The following TJP1 variants were observed in gnomAD, a reference collection of about 807,000 sequenced individuals.
The protein encoded by TJP1 is tight junction protein ZO-1.
A neutral mutation model predicts 194.2 loss-of-function variants in TJP1; 43 were observed. The observed-to-expected ratio is 0.22, with a 90% CI of 0.17 to 0.29. TJP1 has a LOEUF of 0.29. Ranked by LOEUF, TJP1 falls within the 10% of genes least tolerant of loss-of-function variation. The pLI is 1.00. For synonymous variants in TJP1, 801 were observed against 779.0 expected (o/e 1.03, Z -0.47); for missense variants, 1,971 against 2,185.7 (o/e 0.90, Z 1.96).
chr15:29,824,459 T>TCATCAC (rs2050618007), upstream of TJP1, among the ~76,000 whole-genome samples: 1 of 149,472 alleles, frequency 6.7e-6, no homozygotes, highest in South Asian at 2.1e-4. Context: ...ATCATCATCA[T>TCATCAC]CATCATCATC....
chr15:29,750,050 AG>A (rs1242973700), intron 8 of TJP1, among the ~76,000 whole-genome samples: 1 of 148,334 alleles, frequency 6.7e-6, no homozygotes, highest in African/African-American at 2.5e-5. Context: ...TCTGTCACCC[AG>A]GCTGGAAGTG....
chr15:29,812,614 T>G (rs1230823885), intron 1 of TJP1, among the ~76,000 whole-genome samples: 5 of 152,206 alleles, frequency 3.3e-5, no homozygotes, highest in Non-Finnish European at 4.4e-5. Context: ...TCCCTGGTGC[T>G]CTCTTACAAC....
rs2042694588 is a variant in TJP1, at chr15:29,718,275, G to A, written c.3867C>T (p.Gly1289=). 2 of 1,612,502 alleles carry A rather than the reference G, an allele frequency of 1.2e-6. No individual in the cohort carries two copies. Among genetic ancestry groups the A allele is most frequent in the African/African-American group, 1.3e-5 (1 of 74,772 alleles). Residue 1289 remains glycine (G), a synonymous_variant, in exon 21 of 28, where the codon GGC becomes GGT. Coordinates refer to ENST00000614355, the MANE Select transcript of TJP1 (RefSeq NM_001330239.4). ...CTAAAGACATATTTACCTTAAAACT[G>A]CCAGTGTCATTTACATCCTTCTTGG... ...LETKKDVNDT[G]SFKPPEVASK...
rs148006706 is a variant in TJP1 at position 29,724,163 on chromosome 15, G to A, written c.2412+2216C>T. Among the ~76,000 whole-genome samples, 25 of 151,988 alleles carry A rather than the reference G, an allele frequency of 1.6e-4. No individual in the cohort carries two copies. The East Asian group carries it at 4.1e-3, about 25-fold the overall frequency. On this transcript the variant is annotated intron_variant, in intron 18 of 27. Coordinates refer to ENST00000614355, the MANE Select transcript of TJP1 (RefSeq NM_001330239.4). ...TCCACGCAGTCCCCATGCTTGGCTC[G>A]TTAAGACTCTGACCTTGAGCACTGC...
intron 2 of TJP1, among the ~76,000 whole-genome samples, chr15:29,881,472 G>C (rs2052926686): frequency 6.6e-6 from 1 of 152,190 alleles, no homozygotes; most frequent in South Asian, 2.1e-4. Flanking sequence ...GTGGTAGTAA[G>C]GAGGTGAAGT....
chr15:29,823,640 C>T (rs1401825241), upstream of TJP1: 1 of 152,228 alleles, frequency 6.6e-6, no homozygotes, highest in African/African-American at 2.4e-5. Flanking sequence ...AAGTGCCACA[C>T]ATCTTGCAAC....
chr15:29,720,279 A>G (rs1450781912), intron 19 of TJP1, 79 bp downstream of exon 19: 7 of 1,260,160 alleles, frequency 5.6e-6, no homozygotes, highest in African/African-American at 3.0e-5. Flanking sequence ...GACAACATAT[A>G]TATTTTTAAC....
intron 2 of TJP1, among the ~76,000 whole-genome samples, chr15:29,910,423 G>T (rs2053976777): frequency 6.6e-6 from 1 of 152,110 alleles, no homozygotes; most frequent in Non-Finnish European, 1.5e-5. Context: ...CTAAACACAG[G>T]CCTGTTTTTA....
At chr15:29,751,225 A>G (rs921750598) in intron 8 of TJP1, among the ~76,000 whole-genome samples, 8 of 152,226 alleles carry the variant, frequency 5.3e-5, no homozygotes, top group Non-Finnish European at 8.8e-5. Flanking sequence ...CCCAGGAAGT[A>G]TGCTGAGAAG....
intron 2 of TJP1, among the ~76,000 whole-genome samples, chr15:29,867,490 T>C (rs1596141302): frequency 6.6e-6 from 1 of 152,218 alleles, no homozygotes; most frequent in African/African-American, 2.4e-5. Context: ...AGGGGAAGTA[T>C]TTCTTTCCCT....
intron 2 of TJP1, among the ~76,000 whole-genome samples, chr15:29,903,331 T>C (rs1293996505): frequency 1.3e-5 from 2 of 152,216 alleles, no homozygotes; most frequent in Non-Finnish European, 2.9e-5. Context: ...TATCATGTAA[T>C]ATTTATCTAG....
rs2046749469 is a variant in TJP1 at position 29,772,408 on chromosome 15, C to G, written c.210-242G>C. On this transcript the variant is annotated intron_variant, in intron 3 of 27. Coordinates refer to ENST00000614355, the MANE Select transcript of TJP1 (RefSeq NM_001330239.4). ...TTAAGTCATTAACAAAGTATTTCCCCAAAAGACTGAACAGATATCACATAC... is the reference window on the plus strand; with the variant it reads ...TTAAGTCATTAACAAAGTATTTCCCGAAAAGACTGAACAGATATCACATAC... 2.0e-5 allele frequency among the ~76,000 whole-genome samples: 3 copies of G among 152,106 alleles called. No homozygotes were observed. The South Asian group carries it at 6.2e-4, about 32-fold the overall frequency.
chr15:29,938,718 TA>T (rs2054966388), intron 2 of TJP1, among the ~76,000 whole-genome samples: 1 of 152,230 alleles, frequency 6.6e-6, no homozygotes, highest in Admixed American at 6.5e-5. Flanking sequence ...ACAATGAAAA[TA>T]ACTTTAAATT....
chr15:29,717,715 A>G (rs1322819972), intron 22 of TJP1, among the ~76,000 whole-genome samples: 3 of 152,248 alleles, frequency 2.0e-5, no homozygotes, highest in Non-Finnish European at 4.4e-5. Flanking sequence ...GTCGAAAAGC[A>G]CTTTTAAAAC....
chr15:29,809,673 C>T (rs1004561048), intron 1 of TJP1, among the ~76,000 whole-genome samples: 3 of 151,958 alleles, frequency 2.0e-5, no homozygotes, highest in Admixed American at 2.0e-4. Flanking sequence ...GGTGAAACCC[C>T]GTCTCTACTA....
At chr15:29,853,521 T>C (rs1040142388) in intron 2 of TJP1, among the ~76,000 whole-genome samples, 2 of 152,208 alleles carry the variant, frequency 1.3e-5, no homozygotes, top group African/African-American at 4.8e-5. Context: ...GGCACTTCTC[T>C]GTAACAATTC....
chr15:29,739,568 C>T (rs893987990), intron 10 of TJP1, among the ~76,000 whole-genome samples: 8 of 152,096 alleles, frequency 5.3e-5, no homozygotes, highest in African/African-American at 1.9e-4. Flanking sequence ...CTCAGCCTCC[C>T]GAGTAGCTGG....
chr15:29,751,322 T>G (rs2045265205), intron 8 of TJP1, among the ~76,000 whole-genome samples: 2 of 152,266 alleles, frequency 1.3e-5, no homozygotes, highest in African/African-American at 2.4e-5. Flanking sequence ...TGTAATCTGC[T>G]TTCTAAAACA....
chr15:29,704,058 G>T, intron 27 of TJP1, 104 bp downstream of exon 27: 1 of 1,259,064 alleles, frequency 7.9e-7, no homozygotes, highest in Non-Finnish European at 1.1e-6. Flanking sequence ...CACAGGAACA[G>T]AGATAGAGAT....
Sources: gnomAD v4.1 joint callset for allele counts (sites outside exome capture counted in the v4.1 genomes callset) on GRCh38, gnomAD v4.1.1 for gene constraint, MANE v1.5 for transcripts, NCBI Gene and HGNC (gene_info 2026-07-23, HGNC 2026-07-21) for gene names.